The following PITPNM2 variants were observed in gnomAD, a reference collection of about 807,000 sequenced individuals.
PITPNM2 encodes phosphatidylinositol transfer protein membrane associated 2.
PITPNM2 carries 35 observed loss-of-function variants against 132.2 expected under a neutral mutation model. That is an observed-to-expected ratio of 0.26 (90% CI 0.20 to 0.35). The LOEUF (loss-of-function observed/expected upper bound fraction) is 0.35, where lower values mean the gene tolerates loss of function less well. Among genes scored for constraint, PITPNM2 ranks in the 10% least tolerant of loss-of-function variants. The pLI is 1.00. For synonymous variants in PITPNM2, 738 were observed against 799.2 expected (o/e 0.92, Z 1.29); for missense variants, 1,332 against 1,912.0 (o/e 0.70, Z 5.66).
intron 3 of PITPNM2, among the ~76,000 whole-genome samples, chr12:123,025,105 C>A (rs1245564174): frequency 6.6e-6 from 1 of 152,174 alleles, no homozygotes; most frequent in East Asian, 1.9e-4. Flanking sequence ...ATGCAGGAAA[C>A]CTCATGTTTG....
At chr12:122,987,082 TTG>T (rs2037967889) in intron 23 of PITPNM2, among the ~76,000 whole-genome samples, 197 bp downstream of exon 23, 1 of 152,246 alleles carries the variant, frequency 6.6e-6, no homozygotes, top group Non-Finnish European at 1.5e-5. Flanking sequence ...AAAGCCGACA[TTG>T]AGAAGTGACA....
intron 5 of PITPNM2, among the ~76,000 whole-genome samples, chr12:123,011,940 C>G (rs2039226008): frequency 6.6e-6 from 1 of 152,188 alleles, no homozygotes; most frequent in African/African-American, 2.4e-5. Context: ...GGGGTTGGGC[C>G]TGGAGCAGCT....
In PITPNM2 at chr12:123,078,616, C is replaced by T. The variant is rs1160957528; in HGVS notation, c.-96+31769G>A. The stretch of plus-strand genomic sequence containing the variant: ...TCTGTTGCCAAATCCTGAGTCACAT[C>T]TTCCCACCCTCAGGGATAAGGGGAT... On this transcript the variant is annotated intron_variant, in intron 2 of 25. Transcript: ENST00000320201. This position sits in a 1 kb window ranked among gnomAD's most constrained non-coding sequence, Gnocchi z 7.3. Among the ~76,000 whole-genome samples the T allele has an allele frequency of 6.6e-6, 1 of 152,240 alleles. No individual in the cohort carries two copies. Among genetic ancestry groups the T allele is most frequent in the African/African-American group, 2.4e-5 (1 of 41,464 alleles).
chr12:123,001,179 C>T lies in PITPNM2; in HGVS notation c.1049-21G>A, dbSNP rs767611690. On this transcript the variant is annotated intron_variant, in intron 8 of 25. Coordinates refer to ENST00000320201, the MANE Select transcript of PITPNM2 (RefSeq NM_020845.3). ...GTCCTCTGGAGAGGAGAGAGGGAAACTCAGGTGGGACTGGGAACGCTGGGG... is the reference window on the plus strand; with the variant it reads ...GTCCTCTGGAGAGGAGAGAGGGAAATTCAGGTGGGACTGGGAACGCTGGGG... 8.1e-5 allele frequency: 130 copies of T among 1,599,472 alleles called. 1 individual carries two copies. In the Admixed American group the frequency reaches 2.1e-3, roughly 26 times the overall value.
intron 2 of PITPNM2, among the ~76,000 whole-genome samples, chr12:123,055,046 G>A (rs2040978869): frequency 6.6e-6 from 1 of 152,060 alleles, no homozygotes; most frequent in South Asian, 2.1e-4. Flanking sequence ...CTGGGCGAGA[G>A]AGCAAAACTC....
chr12:123,020,157 G>C (rs1394008866), intron 3 of PITPNM2, among the ~76,000 whole-genome samples: 2 of 152,146 alleles, frequency 1.3e-5, no homozygotes, highest in African/African-American at 4.8e-5. Context: ...GTCTGGCTCT[G>C]TCACCCAGGC....
Position 123,022,384 on chromosome 12 carries a change from G to A in PITPNM2, c.79-8342C>T, listed in dbSNP as rs1275236545. Among the ~76,000 whole-genome samples the A allele has an allele frequency of 1.3e-5, 2 of 152,084 alleles. No individual in the cohort carries two copies. The highest frequency in any genetic ancestry group is 2.4e-5 in the African/African-American group (1 of 41,394). On this transcript the variant is annotated intron_variant, in intron 3 of 25. Coordinates refer to ENST00000320201, the MANE Select transcript of PITPNM2 (RefSeq NM_020845.3). This position sits in a 1 kb window ranked among gnomAD's most constrained non-coding sequence, Gnocchi z 4.9. ...AGAGCATCAGACACCAGCGCTCCTC[G>A]TGCACACTAGGGCTGAGACTCAGAT...
At position 122,984,635 on chromosome 12, in the gene PITPNM2, A is replaced by T. The variant is rs1277782689; in HGVS notation, c.*1392T>A. 6.6e-6 allele frequency: 1 copy of T among 152,270 alleles called. No individual in the cohort carries two copies. The highest frequency in any genetic ancestry group is 1.5e-5 in the Non-Finnish European group (1 of 68,080). The allele number at this position is 152,270 out of a possible 1,614,324, so 9.4% of individuals were successfully genotyped here. A position where few individuals can be genotyped will look rare whatever the true frequency, so the allele number is the denominator to read the frequency against. ...CATATCTACACACGGGAAAAAGTTAACATCACTCTGTGCACCTCCCCAGCC... is the reference window on the plus strand; with the variant it reads ...CATATCTACACACGGGAAAAAGTTATCATCACTCTGTGCACCTCCCCAGCC... On this transcript the variant is annotated 3_prime_UTR_variant, in exon 26 of 26. Coordinates refer to ENST00000320201, the MANE Select transcript of PITPNM2 (RefSeq NM_020845.3).
chr12:123,005,477 T>C lies in PITPNM2; in HGVS notation c.715A>G (p.Met239Val), dbSNP rs1275085420. 4 of 1,614,022 alleles carry C rather than the reference T, an allele frequency of 2.5e-6. No individual in the cohort carries two copies. The Admixed American group carries it at 5.0e-5, about 20-fold the overall frequency. ...CWQDEWYGLS[M>V]ENIRELEKEA... ...TTCTCCAGCTCCCGGATGTTCTCCA[T>C]GCTCAGCCCATACCACTCGTCCTGC... The change falls in exon 7 of 26, where the codon ATG becomes GTG. Residue 239 changes from methionine (M) to valine (V), a missense_variant. By Grantham distance (21) the Met-to-Val change is conservative. Around this residue, in one of 6 missense-constraint regions of PITPNM2, gnomAD observed 122 missense variants for 209.6 expected, o/e 0.58. Coordinates refer to ENST00000320201, the MANE Select transcript of PITPNM2 (RefSeq NM_020845.3). The surrounding 1 kb of genome is among the most constrained non-coding windows in gnomAD (Gnocchi z 6.2).
intron 1 of PITPNM2, among the ~76,000 whole-genome samples, chr12:123,123,231 CAG>C (rs1442037212): frequency 6.6e-6 from 1 of 152,190 alleles, no homozygotes; most frequent in Non-Finnish European, 1.5e-5. Flanking sequence ...CATGAGCCAA[CAG>C]AGAACCATCT....
intron 2 of PITPNM2, among the ~76,000 whole-genome samples, chr12:123,068,680 G>A (rs2041527210): frequency 6.6e-6 from 1 of 152,082 alleles, no homozygotes; most frequent in African/African-American, 2.4e-5. Flanking sequence ...CCCATAATGG[G>A]GAGCTGAGGG....
intron 2 of PITPNM2, among the ~76,000 whole-genome samples, chr12:123,070,616 G>T (rs942443572): frequency 6.6e-6 from 1 of 152,222 alleles, no homozygotes; most frequent in Non-Finnish European, 1.5e-5. Context: ...GAGCAGAGCT[G>T]CCCATGGGAT....
intron 3 of PITPNM2, among the ~76,000 whole-genome samples, chr12:123,017,574 T>C (rs748532509): frequency 6.6e-6 from 1 of 152,204 alleles, no homozygotes; most frequent in Non-Finnish European, 1.5e-5. Context: ...CAATGTTCAT[T>C]GCAGTATTAT....
intron 3 of PITPNM2, among the ~76,000 whole-genome samples, chr12:123,020,772 C>T (rs572010564): frequency 6.6e-6 from 1 of 152,046 alleles, no homozygotes; most frequent in Admixed American, 6.5e-5. Flanking sequence ...CCTGTAATCC[C>T]AGCACTTTGG....
intron 3 of PITPNM2, among the ~76,000 whole-genome samples, chr12:123,033,288 C>G (rs1432028285): frequency 6.6e-6 from 1 of 152,186 alleles, no homozygotes; most frequent in African/African-American, 2.4e-5. Context: ...GGGAAGCTGC[C>G]GGGCTAGGCC....
intron 5 of PITPNM2, 144 bp from the exon 6 acceptor site, chr12:123,010,221 G>T: frequency 1.5e-6 from 1 of 663,636 alleles, no homozygotes; most frequent in Non-Finnish European, 2.6e-6. Flanking sequence ...ATCATGTTCT[G>T]GGCAGCTCTG....
chr12:122,996,398 C>G lies in PITPNM2; in HGVS notation c.1782+60G>C, dbSNP rs1231775310. On this transcript the variant is annotated intron_variant, in intron 13 of 25. Coordinates refer to ENST00000320201, the MANE Select transcript of PITPNM2 (RefSeq NM_020845.3). ...GGTGCAGGAACAGGCAGGGCAGCCACCCTGGGGGCGTGCAGGAGGCTTCAG... is the reference window on the plus strand; with the variant it reads ...GGTGCAGGAACAGGCAGGGCAGCCAGCCTGGGGGCGTGCAGGAGGCTTCAG... 2.5e-6 allele frequency: 4 copies of G among 1,598,064 alleles called. No homozygotes were observed. In the South Asian group the frequency reaches 4.5e-5, roughly 18 times the overall value.
At chr12:123,016,248 C>A (rs997226653) in intron 3 of PITPNM2, among the ~76,000 whole-genome samples, 4 of 151,748 alleles carry the variant, frequency 2.6e-5, no homozygotes, top group African/African-American at 9.7e-5. Flanking sequence ...ATTGCTTGAA[C>A]CCAGGAGGCA....
intron 2 of PITPNM2, among the ~76,000 whole-genome samples, chr12:123,100,759 A>T (rs1286669035): frequency 1.3e-5 from 2 of 152,246 alleles, no homozygotes; most frequent in African/African-American, 4.8e-5. Context: ...TTCATATGAA[A>T]TGTCCGGAAA....
Sources: allele counts gnomAD v4.1 joint callset (sites outside exome capture counted in the v4.1 genomes callset), GRCh38; gene constraint gnomAD v4.1.1; regional missense constraint gnomAD v4.1.1; non-coding constraint Gnocchi (gnomAD v3.1); transcripts MANE v1.5; gene names NCBI Gene and HGNC (gene_info 2026-07-23, HGNC 2026-07-21).